CCDC171: variants seen among roughly 807,000 people sequenced by gnomAD.
CCDC171 encodes coiled-coil domain containing 171.
A neutral mutation model predicts 168.2 loss-of-function variants in CCDC171; 177 were observed. That is an observed-to-expected ratio of 1.05 (90% CI 0.93 to 1.19). The LOEUF (loss-of-function observed/expected upper bound fraction) is 1.19. Among genes scored for constraint, CCDC171 ranks in the 50% most tolerant of loss-of-function variants. CCDC171 has a pLI of 0.00. For synonymous variants in CCDC171, 687 were observed against 540.8 expected, an observed-to-expected ratio of 1.27 and a Z score of -3.75; for missense variants, 1,991 against 1,539.0, an observed-to-expected ratio of 1.29 and a Z score of -4.91.
chr9:15,560,899 A>G (rs1445245944), intron 1 of CCDC171, among the ~76,000 whole-genome samples: 4 of 152,144 alleles, frequency 2.6e-5, no homozygotes, highest in Non-Finnish European at 5.9e-5. Context: ...ATGGTGACAT[A>G]CAGATGAGGT....
intron 3 of CCDC171, among the ~76,000 whole-genome samples, chr9:16,001,940 C>T (rs1832558534): frequency 6.7e-6 from 1 of 149,572 alleles, no homozygotes; most frequent in African/African-American, 2.5e-5. Flanking sequence ...TGTGCTCAAA[C>T]AGTCCTCCCA....
intron 21 of CCDC171, among the ~76,000 whole-genome samples, chr9:15,831,227 C>A (rs1228865851): frequency 6.6e-6 from 1 of 152,032 alleles, no homozygotes; most frequent in Non-Finnish European, 1.5e-5. Flanking sequence ...CTGCCTCGGC[C>A]TCCCAAAGTG....
chr9:15,560,134 A>C (rs914507462), intron 1 of CCDC171, among the ~76,000 whole-genome samples: 1 of 152,048 alleles, frequency 6.6e-6, no homozygotes, highest in Admixed American at 6.6e-5. Context: ...TTTGTGGGTA[A>C]CCTGACGTTT....
chr9:15,738,322 C>T (rs1452442799), intron 16 of CCDC171, among the ~76,000 whole-genome samples: 1 of 152,152 alleles, frequency 6.6e-6, no homozygotes, highest in Non-Finnish European at 1.5e-5. Flanking sequence ...CCTTTTTCCA[C>T]ATTATGGATG....
chr9:15,750,708 G>T (rs889649385), intron 18 of CCDC171, among the ~76,000 whole-genome samples: 1 of 152,052 alleles, frequency 6.6e-6, no homozygotes, highest in African/African-American at 2.4e-5. Flanking sequence ...TGCAGAAAAG[G>T]CCTTCGACAA....
chr9:15,895,807 C>A (rs1172861784), intron 24 of CCDC171, among the ~76,000 whole-genome samples: 1 of 152,028 alleles, frequency 6.6e-6, no homozygotes, highest in African/African-American at 2.4e-5. Flanking sequence ...AGTGGCAATT[C>A]TGTAATTTAC....
intron 6 of CCDC171, among the ~76,000 whole-genome samples, chr9:15,598,432 G>T (rs1464138460): frequency 6.6e-6 from 1 of 152,192 alleles, no homozygotes; most frequent in East Asian, 1.9e-4. Flanking sequence ...GGAGTAGGTT[G>T]TTCAGTTTCC....
At chr9:16,105,918 T>G in the CCDC171 span, among the ~76,000 whole-genome samples, 1 of 152,242 alleles carries the variant, frequency 6.6e-6, no homozygotes, top group Non-Finnish European at 1.5e-5. Context: ...TTTTTACAGA[T>G]TCTTCTGGCC....
At chr9:15,956,000 G>T (rs1829762885) in intron 25 of CCDC171, among the ~76,000 whole-genome samples, 1 of 152,096 alleles carries the variant, frequency 6.6e-6, no homozygotes, top group African/African-American at 2.4e-5. Context: ...GAAAAATGTG[G>T]CTGGACTTAA....
intron 6 of CCDC171, among the ~76,000 whole-genome samples, chr9:15,613,517 TTTTTC>T (rs2043854289): frequency 6.6e-6 from 1 of 151,438 alleles, no homozygotes; most frequent in East Asian, 1.9e-4. Context: ...CATTTTTCTT[TTTTTC>T]TTTTCTTTTT....
chr9:15,795,725 G>A (rs2058519677), intron 21 of CCDC171, among the ~76,000 whole-genome samples: 1 of 152,220 alleles, frequency 6.6e-6, no homozygotes, highest in Admixed American at 6.5e-5. Flanking sequence ...ATGAAATGTG[G>A]ATGAGAAAAT....
upstream of CCDC171, among the ~76,000 whole-genome samples, chr9:16,037,970 A>T (rs535042146): frequency 9.5e-4 from 145 of 152,342 alleles, 1 homozygote; most frequent in African/African-American, 2.8e-3. Context: ...TCATGAGCTG[A>T]ATAAGTAAGT....
rs78363900 is a variant in CCDC171 at position 15,953,429 on chromosome 9, G to A, written c.3754-18180G>A. On this transcript the variant is annotated intron_variant, in intron 25 of 25. Coordinates refer to ENST00000380701, the MANE Select transcript of CCDC171 (RefSeq NM_173550.4). The stretch of plus-strand genomic sequence containing the variant: ...AATCAAATGCTTGTATGCGTGTATC[G>A]AGATGATCATGTGATTTTTAGCCTT... 2.6e-4 allele frequency among the ~76,000 whole-genome samples: 39 copies of A among 152,188 alleles called. No homozygotes were observed. The East Asian group carries it at 7.1e-3, about 28-fold the overall frequency.
rs144676393 is a variant in CCDC171, at chr9:15,623,463, A to ACGCGCG, written c.822+50_822+51insCGCGCG. On this transcript the variant is annotated intron_variant, in intron 7 of 25. Coordinates refer to ENST00000380701, the MANE Select transcript of CCDC171 (RefSeq NM_173550.4). ...TATATATGCGTACAAACTTTCACAT[A>ACGCGCG]TGCGCGCGCGCGCACACACACACAC... 5.2e-3 allele frequency: 3,302 copies of ACGCGCG among 635,936 alleles called. 522 individuals carry two copies. The highest frequency in any genetic ancestry group is 0.017 in the African/African-American group (850 of 49,370). The allele number at this position is 635,936 out of a possible 1,614,324, so 39.4% of individuals were successfully genotyped here. A position where few individuals can be genotyped will look rare whatever the true frequency, so the allele number is the denominator to read the frequency against.
At chr9:15,643,318 C>A (rs2046785085) in intron 7 of CCDC171, among the ~76,000 whole-genome samples, 1 of 152,048 alleles carries the variant, frequency 6.6e-6, no homozygotes, top group Non-Finnish European at 1.5e-5. Context: ...TTTATACTTT[C>A]TTAAAGAAAA....
chr9:15,764,391 T>C (rs1459634704), intron 18 of CCDC171, among the ~76,000 whole-genome samples: 3 of 152,206 alleles, frequency 2.0e-5, no homozygotes, highest in Non-Finnish European at 4.4e-5. Flanking sequence ...CAATGGTAGC[T>C]TGGAATAGTA....
chr9:15,900,511 C>T (rs1563964151), intron 24 of CCDC171, among the ~76,000 whole-genome samples: 1 of 80,186 alleles, frequency 1.2e-5, no homozygotes, highest in Non-Finnish European at 2.8e-5. Flanking sequence ...CCTGCTGAGA[C>T]ACCCGAGCAG....
At chr9:15,976,237 T>A (rs937601467), downstream of CCDC171, among the ~76,000 whole-genome samples, 3 of 152,318 alleles carry the variant, frequency 2.0e-5, no homozygotes, top group South Asian at 6.2e-4. Flanking sequence ...TTTAGTAATT[T>A]TTTTAAAAGA....
At chr9:15,669,127 C>T (rs1564175791) in intron 9 of CCDC171, among the ~76,000 whole-genome samples, 1 of 152,030 alleles carries the variant, frequency 6.6e-6, no homozygotes, top group South Asian at 2.1e-4. Flanking sequence ...AGAAAAAAAG[C>T]TGTGTGTATA....
Sources: allele counts gnomAD v4.1 joint callset (sites outside exome capture counted in the v4.1 genomes callset), GRCh38; gene constraint gnomAD v4.1.1; transcripts MANE v1.5; gene names NCBI Gene and HGNC (gene_info 2026-07-23, HGNC 2026-07-21).